Variants in YPEL5 observed in about 807,000 individuals in gnomAD.
YPEL5 encodes yippee like 5, also known as protein yippee-like 5.
A neutral mutation model predicts 10.5 loss-of-function variants in YPEL5; 1 was observed. The ratio of observed to expected loss-of-function variants is 0.10; its 90% CI spans 0.03 to 0.45. The LOEUF is 0.45. YPEL5 is among the 20% of genes least tolerant of loss of function. YPEL5 has a pLI of 0.97. For synonymous variants in YPEL5, 61 were observed against 56.6 expected (o/e 1.08, Z -0.35); for missense variants, 68 against 159.3 (o/e 0.43, Z 3.09).
chr2:30,147,949 C>T (rs1399304728), intron 1 of YPEL5: 2 of 152,130 alleles, frequency 1.3e-5, no homozygotes, highest in Non-Finnish European at 2.9e-5. Context: ...GCTCGCGGGC[C>T]CCACTGCGGC....
intron 1 of YPEL5, among the ~76,000 whole-genome samples, chr2:30,147,284 G>C (rs1436210879): frequency 6.6e-6 from 1 of 151,422 alleles, no homozygotes; most frequent in Non-Finnish European, 1.5e-5. Flanking sequence ...GGGGCTGTTT[G>C]CTCTTTGTGA....
chr2:30,152,177 TA>T (rs1182353103), intron 1 of YPEL5, among the ~76,000 whole-genome samples: 1 of 152,228 alleles, frequency 6.6e-6, no homozygotes, highest in Non-Finnish European at 1.5e-5. Flanking sequence ...TTTTTCTTTT[TA>T]AAAAATAACC....
intron 1 of YPEL5, chr2:30,147,549 C>G: frequency 6.6e-6 from 1 of 151,294 alleles, no homozygotes; most frequent in Non-Finnish European, 1.5e-5. Flanking sequence ...GTCTCCGCCC[C>G]GAATCCAAGT....
chr2:30,151,004 C>G (rs766107533), intron 1 of YPEL5, among the ~76,000 whole-genome samples: 1 of 152,058 alleles, frequency 6.6e-6, no homozygotes, highest in Non-Finnish European at 1.5e-5. Context: ...TTTAAAAGTA[C>G]AAAATTCATT....
chr2:30,151,842 C>T (rs1675807553), intron 1 of YPEL5, among the ~76,000 whole-genome samples: 1 of 152,178 alleles, frequency 6.6e-6, no homozygotes, highest in Non-Finnish European at 1.5e-5. Flanking sequence ...AAGCAGCTCA[C>T]TCTTAAGATG....
At chr2:30,153,940 A>G (rs1265987246) in intron 1 of YPEL5, among the ~76,000 whole-genome samples, 1 of 152,244 alleles carries the variant, frequency 6.6e-6, no homozygotes, top group Non-Finnish European at 1.5e-5. Flanking sequence ...AAATGATCAC[A>G]GTAGTTTTTA....
At chr2:30,154,963 T>C (rs1193484000) in intron 1 of YPEL5, among the ~76,000 whole-genome samples, 2 of 152,150 alleles carry the variant, frequency 1.3e-5, no homozygotes, top group East Asian at 3.8e-4. Context: ...GGTCTTGAAC[T>C]CCTGACCCCA....
chr2:30,158,245 G>T (rs1031883784), intron 2 of YPEL5, among the ~76,000 whole-genome samples: 1 of 152,192 alleles, frequency 6.6e-6, no homozygotes, highest in Non-Finnish European at 1.5e-5. Flanking sequence ...CTTTTACATG[G>T]ATTGTATTAT....
chr2:30,158,138 C>T (rs1676122209), intron 2 of YPEL5, among the ~76,000 whole-genome samples: 1 of 152,132 alleles, frequency 6.6e-6, no homozygotes, highest in African/African-American at 2.4e-5. Context: ...GATGTATGGT[C>T]TTTAGTAGGC....
intron 2 of YPEL5, 67 bp downstream of exon 2, chr2:30,156,859 C>A: frequency 6.4e-7 from 1 of 1,565,868 alleles, no homozygotes; most frequent in East Asian, 2.2e-5. Context: ...CACCAGAATA[C>A]CCCCTCAGAG....
chr2:30,150,365 A>G (rs1488102580), intron 1 of YPEL5, among the ~76,000 whole-genome samples: 1 of 152,172 alleles, frequency 6.6e-6, no homozygotes, highest in African/African-American at 2.4e-5. Context: ...CATAACTCAG[A>G]GGTGGCTGCT....
intron 1 of YPEL5, among the ~76,000 whole-genome samples, chr2:30,152,158 G>C (rs1225060923): frequency 6.6e-6 from 1 of 152,028 alleles, no homozygotes; most frequent in Non-Finnish European, 1.5e-5. Context: ...CCTTAATAAA[G>C]CGGTTTTTTT....
At chr2:30,149,030 A>G (rs1017717967) in intron 1 of YPEL5, among the ~76,000 whole-genome samples, 83 of 152,226 alleles carry the variant, frequency 5.5e-4, no homozygotes, top group African/African-American at 1.9e-3. Flanking sequence ...TCGGGAAGCC[A>G]GACAGGTAAA....
chr2:30,152,947 C>T (rs1472229834), intron 1 of YPEL5, among the ~76,000 whole-genome samples: 2 of 144,746 alleles, frequency 1.4e-5, no homozygotes, highest in East Asian at 2.0e-4. Flanking sequence ...GTGGCCCAGG[C>T]TGGAATGCAG....
In YPEL5 at chr2:30,159,192, A is replaced by G. The variant is rs1558360989; in HGVS notation, c.*349A>G. The G allele has an allele frequency of 4.7e-6, 1 of 211,194 alleles. No individual in the cohort carries two copies. The highest frequency in any genetic ancestry group is 2.3e-5 in the African/African-American group (1 of 43,010). 13.1% of individuals were successfully genotyped at this position (211,194 alleles called of 1,614,324 possible). A position where few individuals can be genotyped will look rare whatever the true frequency, so the allele number is the denominator to read the frequency against. ...TGTGTTTTATGTCAATTGTGAAAGG[A>G]AAATGTTAGGAGTATGGTTTTTAAA... On this transcript the variant is annotated 3_prime_UTR_variant, in exon 3 of 3. Coordinates refer to ENST00000261353, the MANE Select transcript of YPEL5 (RefSeq NM_016061.3).
intron 1 of YPEL5, among the ~76,000 whole-genome samples, chr2:30,153,634 T>A (rs1675912495): frequency 6.6e-6 from 1 of 152,204 alleles, no homozygotes; most frequent in African/African-American, 2.4e-5. Flanking sequence ...ACAGAGGTTT[T>A]TCTACTTCCT....
chr2:30,147,989 G>C (rs1675573299), intron 1 of YPEL5: 1 of 151,948 alleles, frequency 6.6e-6, no homozygotes, highest in African/African-American at 2.4e-5. Context: ...GGGGTCGCCC[G>C]GGCCGGCCCA....
At chr2:30,148,116 G>A (rs1323701571) in intron 1 of YPEL5, 2 of 152,338 alleles carry the variant, frequency 1.3e-5, no homozygotes, top group East Asian at 3.8e-4. Context: ...TGAGTGTCCG[G>A]ATCAGCGGGA....
intron 1 of YPEL5, among the ~76,000 whole-genome samples, chr2:30,151,805 T>C (rs1675805864): frequency 6.6e-6 from 1 of 152,188 alleles, no homozygotes. Context: ...GCCCCCAGAA[T>C]CAACACCAAA....
Sources: allele counts gnomAD v4.1 joint callset (sites outside exome capture counted in the v4.1 genomes callset), GRCh38; gene constraint gnomAD v4.1.1; transcripts MANE v1.5; gene names NCBI Gene and HGNC (gene_info 2026-07-23, HGNC 2026-07-21).